The following ADAMTS19 variants were observed in gnomAD, a reference collection of about 807,000 sequenced individuals.
The protein encoded by ADAMTS19 is A disintegrin and metalloproteinase with thrombospondin motifs 19.
A neutral mutation model predicts 153.3 loss-of-function variants in ADAMTS19; 93 were observed. That is an observed-to-expected ratio of 0.61 (90% CI 0.51 to 0.72). The LOEUF (loss-of-function observed/expected upper bound fraction) is 0.72, where lower values mean the gene tolerates loss of function less well. Ranked by LOEUF, ADAMTS19 falls within the 30% of genes least tolerant of loss-of-function variation. The probability of loss-of-function intolerance (pLI) is 0.00; values close to 1 mark genes in which losing one functional copy is unlikely to be tolerated. For missense variants in ADAMTS19, 1,482 were observed against 1,552.1 expected, an observed-to-expected ratio of 0.95 and a Z score of 0.76; for synonymous variants, 600 against 556.6, an observed-to-expected ratio of 1.08 and a Z score of -1.10.
intron 10 of ADAMTS19, among the ~76,000 whole-genome samples, chr5:129,634,299 G>T (rs1752435833): frequency 6.6e-6 from 1 of 152,058 alleles, no homozygotes; most frequent in Non-Finnish European, 1.5e-5. Context: ...GACACAAATG[G>T]AAAAACATTC....
intron 6 of ADAMTS19, among the ~76,000 whole-genome samples, chr5:129,536,836 A>T (rs1398227111): frequency 6.6e-6 from 1 of 151,582 alleles, no homozygotes; most frequent in Non-Finnish European, 1.5e-5. Context: ...GCATGTTCTC[A>T]CTCATAGGTG....
At chr5:129,655,323 A>G (rs964270364) in intron 14 of ADAMTS19, among the ~76,000 whole-genome samples, 3 of 152,176 alleles carry the variant, frequency 2.0e-5, no homozygotes, top group Non-Finnish European at 4.4e-5. Flanking sequence ...TTTGGATACA[A>G]GCTGCCCCAG....
intron 14 of ADAMTS19, 24 bp from the exon 15 acceptor site, chr5:129,658,593 T>C: frequency 1.2e-6 from 2 of 1,607,566 alleles, no homozygotes; most frequent in Non-Finnish European, 1.7e-6. Context: ...CTATTTATGA[T>C]GTGCTGTCAC....
chr5:129,649,794 G>T (rs1408476151), intron 13 of ADAMTS19, among the ~76,000 whole-genome samples: 1 of 152,022 alleles, frequency 6.6e-6, no homozygotes, highest in Non-Finnish European at 1.5e-5. Context: ...AAGGTAGGTG[G>T]GAACTCTCTG....
chr5:129,643,118 C>T (rs1752874970), intron 11 of ADAMTS19, among the ~76,000 whole-genome samples: 1 of 151,910 alleles, frequency 6.6e-6, no homozygotes, highest in Admixed American at 6.6e-5. Flanking sequence ...TACAGTTTGA[C>T]ATTTAAGGAA....
chr5:129,515,075 C>G (rs1751555255), intron 3 of ADAMTS19, among the ~76,000 whole-genome samples: 1 of 151,848 alleles, frequency 6.6e-6, no homozygotes, highest in African/African-American at 2.4e-5. Flanking sequence ...TTCTTGGCAC[C>G]TTTTTCAAAA....
At chr5:129,685,453 T>C (rs909472839) in intron 18 of ADAMTS19, among the ~76,000 whole-genome samples, 2 of 152,106 alleles carry the variant, frequency 1.3e-5, no homozygotes, top group Non-Finnish European at 1.5e-5. Flanking sequence ...TGATCAACTG[T>C]ATCAAAAGTT....
At chr5:129,548,335 AAACAAAC>A (rs1456948112) in intron 6 of ADAMTS19, among the ~76,000 whole-genome samples, 2 of 149,352 alleles carry the variant, frequency 1.3e-5, no homozygotes, top group Non-Finnish European at 2.9e-5. Flanking sequence ...ACAAAAAAAA[AAACAAAC>A]AACCCCATCA....
chr5:129,613,618 T>C (rs1449584817), intron 8 of ADAMTS19, among the ~76,000 whole-genome samples: 1 of 151,984 alleles, frequency 6.6e-6, no homozygotes, highest in Non-Finnish European at 1.5e-5. Flanking sequence ...ACATCACAAT[T>C]AAAAGAATTA....
chr5:129,599,117 C>T (rs972342973), intron 8 of ADAMTS19, among the ~76,000 whole-genome samples: 2 of 151,596 alleles, frequency 1.3e-5, no homozygotes, highest in African/African-American at 2.4e-5. Flanking sequence ...TATACTTTAA[C>T]ATCATCATCC....
intron 14 of ADAMTS19, 90 bp from the exon 15 acceptor site, chr5:129,658,526 TG>T: frequency 8.1e-7 from 1 of 1,237,726 alleles, no homozygotes; most frequent in Non-Finnish European, 1.1e-6. Context: ...TAAATATATC[TG>T]GTTTATAGAG....
intron 16 of ADAMTS19, among the ~76,000 whole-genome samples, chr5:129,670,985 T>A (rs1341235600): frequency 6.6e-6 from 1 of 152,168 alleles, no homozygotes; most frequent in Non-Finnish European, 1.5e-5. Flanking sequence ...CTTTTACTTG[T>A]AGAAAGAAAC....
intron 7 of ADAMTS19, among the ~76,000 whole-genome samples, chr5:129,553,522 T>C (rs1054710504): frequency 4.5e-4 from 69 of 152,250 alleles, no homozygotes; most frequent in African/African-American, 1.6e-3. Flanking sequence ...TTTGGCTCTG[T>C]TTGTCCTGTT....
rs1272536229 is a variant in ADAMTS19 at position 129,528,608 on chromosome 5, T to C, written c.1259T>C (p.Ile420Thr). The part of the protein sequence containing the change: ...QHEEFGKKND[I>T]HLEMSTNWGE... ...GAAGAATTTGGCAAAAAGAATGATA[T>C]ACATTTAGAGATGTCAACAAACTGG... The change falls in exon 6 of 23, where the codon ATA becomes ACA. Residue 420 changes from isoleucine (I) to threonine (T), a missense_variant. Physicochemically the swap from Ile to Thr is moderately conservative, Grantham distance 89 (BLOSUM62 -1). Transcript: ENST00000274487. 4.4e-6 allele frequency: 7 copies of C among 1,608,702 alleles called. No individual in the cohort carries two copies. Among genetic ancestry groups the C allele is most frequent in the South Asian group, 2.2e-5 (2 of 90,120 alleles).
chr5:129,718,206 G>C (rs1311674702), intron 21 of ADAMTS19, among the ~76,000 whole-genome samples: 1 of 152,034 alleles, frequency 6.6e-6, no homozygotes, highest in Non-Finnish European at 1.5e-5. Flanking sequence ...TATTTTGACA[G>C]TCCTTTCACA....
At chr5:129,654,266 G>T (rs758918031) in intron 13 of ADAMTS19, 40 bp from the exon 14 acceptor site, 5 of 1,538,840 alleles carry the variant, frequency 3.2e-6, no homozygotes, top group South Asian at 1.3e-5. Context: ...TATTTATGGG[G>T]TAACTTTTTC....
rs748078371 is a variant in ADAMTS19, at chr5:129,654,454, A to G, written c.2304+21A>G. The G allele has an allele frequency of 1.9e-6, 3 of 1,598,448 alleles. No homozygotes were observed. In the East Asian group the frequency reaches 6.7e-5, roughly 36 times the overall value. ...GCCAGGTAAGACATTCCAAAAAAAA[A>G]AAGAATTTATATGTTGAAGGAAAAT... On this transcript the variant is annotated intron_variant, in intron 14 of 22. Coordinates refer to ENST00000274487, the MANE Select transcript of ADAMTS19 (RefSeq NM_133638.6).
chr5:129,707,490 G>T (rs911729193), intron 21 of ADAMTS19, among the ~76,000 whole-genome samples: 1 of 152,108 alleles, frequency 6.6e-6, no homozygotes, highest in Non-Finnish European at 1.5e-5. Context: ...GTGGCTCCAC[G>T]TGAATTTTAT....
chr5:129,587,165 G>A (rs1371629911), intron 7 of ADAMTS19, among the ~76,000 whole-genome samples: 3 of 152,038 alleles, frequency 2.0e-5, no homozygotes, highest in African/African-American at 7.2e-5. Flanking sequence ...AATTATATAT[G>A]TAATTATATA....
Sources: allele counts gnomAD v4.1 joint callset (sites outside exome capture counted in the v4.1 genomes callset), GRCh38; gene constraint gnomAD v4.1.1; transcripts MANE v1.5; gene names NCBI Gene and HGNC (gene_info 2026-07-23, HGNC 2026-07-21).